ARHGAP42: variants seen among roughly 807,000 people sequenced by gnomAD.
The protein encoded by ARHGAP42 is Rho GTPase activating protein 42, also known as rho GTPase-activating protein 42.
Under a neutral mutation model 125.0 loss-of-function variants are expected in ARHGAP42, and 63 were observed. The ratio of observed to expected loss-of-function variants is 0.50; its 90% CI spans 0.41 to 0.62. ARHGAP42 has a LOEUF of 0.62. Ranked by LOEUF, ARHGAP42 falls within the 20% of genes least tolerant of loss-of-function variation. ARHGAP42 has a pLI of 0.00. For missense variants in ARHGAP42, 766 were observed against 1,024.2 expected, an observed-to-expected ratio of 0.75 and a Z score of 3.44; for synonymous variants, 339 against 351.0, an observed-to-expected ratio of 0.97 and a Z score of 0.38.
At chr11:100,690,755 C>T (rs1294725141) in intron 1 of ARHGAP42, among the ~76,000 whole-genome samples, 2 of 152,086 alleles carry the variant, frequency 1.3e-5, no homozygotes, top group African/African-American at 4.8e-5. Context: ...CGCCACCACA[C>T]CTGGCTAATA....
At chr11:100,857,440 A>G (rs988079515) in intron 3 of ARHGAP42, among the ~76,000 whole-genome samples, 2 of 152,102 alleles carry the variant, frequency 1.3e-5, no homozygotes, top group Admixed American at 6.6e-5. Context: ...GTGAGTGCCA[A>G]GGTCTTAGGA....
chr11:100,693,918 T>C (rs192106152), intron 1 of ARHGAP42, among the ~76,000 whole-genome samples: 2 of 152,138 alleles, frequency 1.3e-5, no homozygotes, highest in African/African-American at 2.4e-5. Context: ...AAAGCTTACA[T>C]TAGGATTGCT....
intron 1 of ARHGAP42, among the ~76,000 whole-genome samples, chr11:100,720,104 A>T (rs1174195282): frequency 6.6e-6 from 1 of 152,176 alleles, no homozygotes; most frequent in African/African-American, 2.4e-5. Flanking sequence ...GGTTTTCCTA[A>T]ATAGAGAATC....
At chr11:100,950,356 G>A (rs1164318036) in intron 12 of ARHGAP42, among the ~76,000 whole-genome samples, 1 of 147,268 alleles carries the variant, frequency 6.8e-6, no homozygotes, top group Non-Finnish European at 1.5e-5. Flanking sequence ...TATAAATACT[G>A]TATTTATTTA....
Position 100,973,235 on chromosome 11 carries a change from C to T in ARHGAP42, c.1611C>T (p.Gly537=). 1.3e-6 allele frequency: 2 copies of T among 1,550,938 alleles called. No homozygotes were observed. The highest frequency in any genetic ancestry group is 1.7e-6 in the Non-Finnish European group (2 of 1,146,554). The change falls in exon 18 of 24, where the codon GGC becomes GGT. Residue 537 remains glycine (G), a synonymous_variant. Transcript: ENST00000298815. ...TCTCAAATCTTGGTGTCATATTTGGCCCAACTCTAATGAGAGCACAGGAAG... is the reference window on the plus strand; with the variant it reads ...TCTCAAATCTTGGTGTCATATTTGGTCCAACTCTAATGAGAGCACAGGAAG... ...MTVSNLGVIF[G]PTLMRAQEET... is the part of the protein sequence containing the mutation.
intron 19 of ARHGAP42, 150 bp from the exon 20 acceptor site, chr11:100,975,907 C>T (rs768799622): frequency 8.8e-5 from 66 of 752,156 alleles, no homozygotes; most frequent in Non-Finnish European, 1.2e-4. Context: ...GTACTGAGGA[C>T]AGTTCTCCGT....
intron 1 of ARHGAP42, among the ~76,000 whole-genome samples, chr11:100,711,642 G>A (rs916861239): frequency 2.6e-5 from 4 of 152,226 alleles, no homozygotes; most frequent in Non-Finnish European, 5.9e-5. Context: ...ACAGGCGTGA[G>A]CCACTGTGCC....
intron 2 of ARHGAP42, among the ~76,000 whole-genome samples, chr11:100,777,324 T>C (rs1863154282): frequency 6.6e-6 from 1 of 152,216 alleles, no homozygotes. Flanking sequence ...AGTGGGTTAC[T>C]GTGGTGAGGT....
At chr11:100,838,158 G>A (rs536893691) in intron 3 of ARHGAP42, among the ~76,000 whole-genome samples, 2 of 151,794 alleles carry the variant, frequency 1.3e-5, no homozygotes, top group African/African-American at 4.8e-5. Context: ...CCTCAATTTG[G>A]GTTTGTGTGA....
chr11:100,827,002 C>CTTTTTT (rs869260353), intron 3 of ARHGAP42, among the ~76,000 whole-genome samples: 45 of 80,880 alleles, frequency 5.6e-4, no homozygotes, highest in Non-Finnish European at 7.2e-4. Context: ...GCCTTACATC[C>CTTTTTT]TTTTTTTTTT....
At chr11:100,690,015 CT>C (rs1861159868) in intron 1 of ARHGAP42, among the ~76,000 whole-genome samples, 1 of 152,146 alleles carries the variant, frequency 6.6e-6, no homozygotes. Context: ...TGCCCCTGCC[CT>C]GACCACTAGC....
Position 100,935,399 on chromosome 11 carries a change from A to C in ARHGAP42, c.703-804A>C, listed in dbSNP as rs1042260864. 7.9e-5 allele frequency among the ~76,000 whole-genome samples: 12 copies of C among 152,302 alleles called. No individual in the cohort carries two copies. In the South Asian group the frequency reaches 2.3e-3, roughly 29 times the overall value. ...AATACCTTTGCTAGTAAACCAAGCTACGTGATGTTTCTTCAAAAATAGCCT... is the reference window on the plus strand; with the variant it reads ...AATACCTTTGCTAGTAAACCAAGCTCCGTGATGTTTCTTCAAAAATAGCCT... On this transcript the variant is annotated intron_variant, in intron 7 of 23. Coordinates refer to ENST00000298815, the MANE Select transcript of ARHGAP42 (RefSeq NM_152432.4).
At chr11:100,884,629 G>A (rs1035341035) in intron 4 of ARHGAP42, among the ~76,000 whole-genome samples, 16 of 152,184 alleles carry the variant, frequency 1.1e-4, no homozygotes, top group Non-Finnish European at 1.8e-4. Context: ...GCAGAGCTTC[G>A]TGGCACATTT....
intron 3 of ARHGAP42, 53 bp from the exon 4 acceptor site, chr11:100,859,501 G>T: frequency 1.4e-6 from 2 of 1,444,808 alleles, no homozygotes; most frequent in Admixed American, 2.4e-5. Context: ...TTTTTTCAAT[G>T]TTGTTGGCAT....
intron 5 of ARHGAP42, among the ~76,000 whole-genome samples, chr11:100,915,634 C>T (rs1474189180): frequency 2.0e-5 from 3 of 152,120 alleles, no homozygotes; most frequent in Non-Finnish European, 4.4e-5. Context: ...TCGCTAGTAG[C>T]TTAGGCTATG....
intron 4 of ARHGAP42, among the ~76,000 whole-genome samples, chr11:100,912,165 C>T (rs1866939735): frequency 6.6e-6 from 1 of 152,076 alleles, no homozygotes; most frequent in African/African-American, 2.4e-5. Context: ...GATTTGACAA[C>T]CTCAGAATAG....
intron 3 of ARHGAP42, among the ~76,000 whole-genome samples, chr11:100,829,911 A>G (rs1270281082): frequency 6.6e-6 from 1 of 152,250 alleles, no homozygotes; most frequent in Non-Finnish European, 1.5e-5. Flanking sequence ...TGATAAGACT[A>G]AGTCCTAGAG....
intron 3 of ARHGAP42, among the ~76,000 whole-genome samples, chr11:100,845,065 A>G (rs574993873): frequency 6.6e-6 from 1 of 151,896 alleles, no homozygotes; most frequent in African/African-American, 2.4e-5. Flanking sequence ...ACAAGTGGAT[A>G]AAGAAACTGT....
chr11:100,945,871 A>C (rs1307437196), intron 10 of ARHGAP42, among the ~76,000 whole-genome samples: 1 of 152,078 alleles, frequency 6.6e-6, no homozygotes, highest in Non-Finnish European at 1.5e-5. Context: ...GTCACCAGTT[A>C]CATTAACCTC....
Sources: allele counts gnomAD v4.1 joint callset (sites outside exome capture counted in the v4.1 genomes callset), GRCh38; gene constraint gnomAD v4.1.1; transcripts MANE v1.5; gene names NCBI Gene and HGNC (gene_info 2026-07-23, HGNC 2026-07-21).